Variants in LAMB1 observed in about 807,000 individuals in gnomAD.
LAMB1 encodes the protein laminin subunit beta 1.
LAMB1 carries 121 observed loss-of-function variants against 222.3 expected under a neutral mutation model. The observed-to-expected ratio is 0.54, with a 90% CI of 0.47 to 0.63. LAMB1 has a LOEUF of 0.63. Ranked by LOEUF, LAMB1 falls within the 30% of genes least tolerant of loss-of-function variation. The pLI is 0.00. For missense variants in LAMB1, 2,172 were observed against 2,240.8 expected (o/e 0.97, Z 0.62); for synonymous variants, 794 against 807.2 (o/e 0.98, Z 0.28).
chr7:108,001,874 A>G, intron 2 of LAMB1, 141 bp from the exon 3 acceptor site: 1 of 1,488,228 alleles, frequency 6.7e-7, no homozygotes, highest in Non-Finnish European at 9.0e-7. Flanking sequence ...AGAAAAGACA[A>G]TGGAGAGATG....
At chr7:107,960,747 C>T in intron 17 of LAMB1, 98 bp from the exon 18 acceptor site, 1 of 923,812 alleles carries the variant, frequency 1.1e-6, no homozygotes, top group Non-Finnish European at 1.7e-6. Context: ...GCTTCTTTGA[C>T]CCTTGAACAG....
chr7:107,989,989 C>T (rs1395170142), intron 5 of LAMB1, among the ~76,000 whole-genome samples: 3 of 151,926 alleles, frequency 2.0e-5, no homozygotes, highest in Admixed American at 1.3e-4. Flanking sequence ...CAGTTGCCTC[C>T]AAATTTATAA....
intron 12 of LAMB1, among the ~76,000 whole-genome samples, chr7:107,973,423 CT>C (rs750568070): frequency 2.9e-4 from 44 of 152,246 alleles, no homozygotes; most frequent in Middle Eastern, 3.4e-3. Flanking sequence ...TTTGGCAGGC[CT>C]TTAAATCTGC....
chr7:107,950,398 C>T (rs1006172529), intron 24 of LAMB1, among the ~76,000 whole-genome samples: 1 of 152,142 alleles, frequency 6.6e-6, no homozygotes, highest in African/African-American at 2.4e-5. Context: ...AGAGTTGCAA[C>T]AGCCTATTCA....
chr7:107,955,428 TTC>T (rs1299442312), intron 21 of LAMB1, 37 bp downstream of exon 21: 32 of 1,560,532 alleles, frequency 2.1e-5, no homozygotes, highest in South Asian at 3.5e-5. Context: ...AGACATCTTT[TTC>T]TCTCTCTTTG....
chr7:107,958,390 A>G (rs937975136), intron 20 of LAMB1, among the ~76,000 whole-genome samples: 2 of 152,234 alleles, frequency 1.3e-5, no homozygotes, highest in Non-Finnish European at 2.9e-5. Flanking sequence ...TCTTCATGCC[A>G]AAAGTTAATC....
intron 31 of LAMB1, among the ~76,000 whole-genome samples, chr7:107,927,539 A>C (rs2032594553): frequency 6.6e-6 from 1 of 152,106 alleles, no homozygotes; most frequent in Non-Finnish European, 1.5e-5. Flanking sequence ...TATAGTCTCA[A>C]ACTCTTGGCC....
intron 27 of LAMB1, among the ~76,000 whole-genome samples, chr7:107,933,300 C>T (rs992568328): frequency 6.6e-6 from 1 of 152,134 alleles, no homozygotes; most frequent in African/African-American, 2.4e-5. Context: ...AAGGAGTTAA[C>T]AGAATATTCC....
rs147831862 is a variant in LAMB1, at chr7:107,947,080, C to T, written c.3391+4146G>A. On this transcript the variant is annotated intron_variant, in intron 24 of 33. Coordinates refer to ENST00000222399, the MANE Select transcript of LAMB1 (RefSeq NM_002291.3). ...ATGCAGCGCTCCAGGCTGTTTTCTC[C>T]AGCACGTTCATGGTGGGTGGATGAG... 2.4e-3 allele frequency among the ~76,000 whole-genome samples: 359 copies of T among 152,268 alleles called. 1 individual carries two copies. Among genetic ancestry groups the T allele is most frequent in the Non-Finnish European group, 4.0e-3 (275 of 68,014 alleles).
chr7:107,941,655 ATTTTT>A (rs35218754), intron 24 of LAMB1, among the ~76,000 whole-genome samples: 1 of 143,560 alleles, frequency 7.0e-6, no homozygotes, highest in Non-Finnish European at 1.5e-5. Context: ...GCTTTCTCGG[ATTTTT>A]TTTTTTTTTT....
intron 22 of LAMB1, 35 bp from the exon 23 acceptor site, chr7:107,952,258 C>T: frequency 1.3e-6 from 2 of 1,489,740 alleles, no homozygotes; most frequent in East Asian, 2.3e-5. Flanking sequence ...TATTGTCACA[C>T]TCCCAAATAC....
chr7:107,973,798 A>C (rs62468015), intron 12 of LAMB1, among the ~76,000 whole-genome samples: 1 of 152,112 alleles, frequency 6.6e-6, no homozygotes, highest in African/African-American at 2.4e-5. Context: ...GGCATGTGCC[A>C]CCACACCCAG....
rs1563013751 is a variant in LAMB1 at position 108,001,769 on chromosome 7, CA to C, written c.38-37del. ...GACAGGCAACAGAGTTGGGGGGACA[CA>C]AGCAGGGAGTGGAGCCCGAAAAAAA... On this transcript the variant is annotated intron_variant, in intron 2 of 33. Coordinates refer to ENST00000222399, the MANE Select transcript of LAMB1 (RefSeq NM_002291.3). 1.9e-6 allele frequency: 3 copies of C among 1,605,542 alleles called. No individual in the cohort carries two copies. In the Admixed American group the frequency reaches 5.0e-5, roughly 27 times the overall value.
At chr7:107,974,869 G>A in intron 12 of LAMB1, 117 bp downstream of exon 12, 1 of 654,268 alleles carries the variant, frequency 1.5e-6, no homozygotes, top group Non-Finnish European at 2.8e-6. Flanking sequence ...GTCTACTCAT[G>A]TCTTTTAACA....
chr7:107,993,138 CT>C (rs1247365229), intron 5 of LAMB1, among the ~76,000 whole-genome samples: 1 of 151,948 alleles, frequency 6.6e-6, no homozygotes, highest in Non-Finnish European at 1.5e-5. Flanking sequence ...TAACTTGTAC[CT>C]ATTCTTTTTC....
chr7:107,967,012 C>T (rs1235014901), intron 13 of LAMB1, among the ~76,000 whole-genome samples: 1 of 152,214 alleles, frequency 6.6e-6, no homozygotes, highest in African/African-American at 2.4e-5. Flanking sequence ...GGCCCTCACC[C>T]TACAGCTCTC....
In LAMB1 at chr7:107,926,311, G is replaced by C. The variant is rs777849795; in HGVS notation, c.4936C>G (p.Gln1646Glu). The C allele has an allele frequency of 6.2e-7, 1 of 1,613,896 alleles. No individual in the cohort carries two copies. The part of the protein sequence containing the change: ...ASEETLFNAS[Q>E]RISELERNVE... ...TTCCTCTCTAACTCGCTGATGCGCT[G>C]GGACGCGTTGAACAAGGTTTCCTCA... The change falls in exon 32 of 34, where the codon CAG becomes GAG. Residue 1646 changes from glutamine to glutamate, a missense_variant. Coordinates refer to ENST00000222399, the MANE Select transcript of LAMB1 (RefSeq NM_002291.3).
chr7:108,001,295 G>A (rs1013938622), intron 3 of LAMB1, among the ~76,000 whole-genome samples: 2 of 152,228 alleles, frequency 1.3e-5, no homozygotes, highest in Non-Finnish European at 2.9e-5. Context: ...AGGCCTTTTG[G>A]AGGCTCTGGG....
At position 107,960,602 on chromosome 7, in the gene LAMB1, T is replaced by C. The variant is rs1243430980; in HGVS notation, c.2157A>G (p.Gly719=). The change falls in exon 18 of 34, where the codon GGA becomes GGG. Residue 719 remains glycine, a synonymous_variant. Transcript: ENST00000222399. ...TGGTGACCACCCCATCTCCTGAACC[T>C]CCCACGGTGAAGATGTCCAGTGATT... ...YCKSLDIFTV[G]GSGDGVVTNS... The C allele has an allele frequency of 2.5e-6, 4 of 1,614,200 alleles. No individual in the cohort carries two copies. In the East Asian group the frequency reaches 8.9e-5, roughly 36 times the overall value.
Sources: gnomAD v4.1 joint callset for allele counts (sites outside exome capture counted in the v4.1 genomes callset) on GRCh38, gnomAD v4.1.1 for gene constraint, MANE v1.5 for transcripts, NCBI Gene and HGNC (gene_info 2026-07-23, HGNC 2026-07-21) for gene names.